Variants in CDKL5 observed in about 807,000 individuals in gnomAD.
The protein encoded by CDKL5 is cyclin-dependent kinase-like 5.
CDKL5 carries 8 observed loss-of-function variants against 61.7 expected under a neutral mutation model. The ratio of observed to expected loss-of-function variants is 0.13; its 90% confidence interval spans 0.08 to 0.23. The LOEUF (loss-of-function observed/expected upper bound fraction) is 0.23. Among genes scored for constraint, CDKL5 ranks in the 10% least tolerant of loss-of-function variants. The pLI, the probability that CDKL5 is intolerant of heterozygous loss-of-function variation, is 1.00. For synonymous variants in CDKL5, 275 were observed against 272.3 expected (o/e 1.01, Z -0.10); for missense variants, 440 against 734.5 (o/e 0.60, Z 4.63).
chrX:18,574,909 A>G (rs1396235135), intron 4 of CDKL5, among the ~76,000 whole-genome samples: 1 of 112,049 alleles, frequency 8.9e-6, no homozygotes, highest in Non-Finnish European at 1.9e-5. Flanking sequence ...ATCAGCTACT[A>G]CAGATGCCGG....
chrX:18,504,131 G>A (rs1922483828), intron 1 of CDKL5, among the ~76,000 whole-genome samples: 1 of 109,648 alleles, frequency 9.1e-6, no homozygotes, highest in African/African-American at 3.3e-5. Flanking sequence ...GTGGAGACAG[G>A]GTCTCACACT....
chrX:18,489,410 C>T (rs1328598036), intron 1 of CDKL5, among the ~76,000 whole-genome samples: 14 of 110,616 alleles, frequency 1.3e-4, no homozygotes, highest in African/African-American at 4.3e-4. Flanking sequence ...ATCCTCCCGC[C>T]TCAGCCTCCC....
chrX:18,499,447 G>A (rs1922303582), intron 1 of CDKL5, among the ~76,000 whole-genome samples: 1 of 101,897 alleles, frequency 9.8e-6, no homozygotes, highest in Non-Finnish European at 2.0e-5. Context: ...TGTAAGCTCC[G>A]CCTCCCGGGT....
At chrX:18,535,985 C>T (rs1177289021) in intron 3 of CDKL5, 1 of 111,954 alleles carries the variant, frequency 8.9e-6, no homozygotes, top group African/African-American at 3.3e-5. Context: ...ATGGAGCAGG[C>T]AGGAAGTACC....
intron 1 of CDKL5, among the ~76,000 whole-genome samples, chrX:18,455,295 C>T (rs1406229540): frequency 8.9e-6 from 1 of 112,280 alleles, no homozygotes; most frequent in Non-Finnish European, 1.9e-5. Flanking sequence ...CTTGCCAAAG[C>T]ATCCAATGTA....
intron 2 of CDKL5, among the ~76,000 whole-genome samples, chrX:18,509,916 C>G (rs1922762195): frequency 9.3e-6 from 1 of 107,938 alleles, no homozygotes; most frequent in Non-Finnish European, 1.9e-5. Flanking sequence ...CTTTGGGAGG[C>G]TGAGGTGGGA....
At chrX:18,553,355 C>T (rs150680769) in intron 3 of CDKL5, among the ~76,000 whole-genome samples, 112 of 111,207 alleles carry the variant, frequency 1.0e-3, no homozygotes, top group East Asian at 4.0e-3. Context: ...GCAGATCCAG[C>T]GCAGAGATGG....
chrX:18,579,621 GTTA>G (rs1047846408), intron 5 of CDKL5, among the ~76,000 whole-genome samples: 1 of 110,522 alleles, frequency 9.0e-6, no homozygotes, highest in African/African-American at 3.3e-5. Flanking sequence ...AGTATACAGG[GTTA>G]TTATTTGGGG....
downstream of CDKL5, chrX:18,642,227 G>T: frequency 9.1e-7 from 1 of 1,093,698 alleles, no homozygotes; most frequent in Non-Finnish European, 1.3e-6. Context: ...CCTTTCTGGA[G>T]CTAGCCCCAA....
At position 18,604,523 on chromosome X, in the gene CDKL5, C is replaced by T; in HGVS notation, c.1599C>T (p.Thr533=). ...ATTCTCCCACCAGCCCAACCCCCAC[C>T]AGACACAGTGACACGAGAACTTTGC... ...DLNSPTSPTP[T]RHSDTRTLLS... is the part of the protein sequence containing the mutation. Residue 533 remains threonine (T), a synonymous_variant, in exon 12 of 18, where the codon ACC becomes ACT. Coordinates refer to ENST00000623535, the MANE Select transcript of CDKL5 (RefSeq NM_001323289.2). 3 of 1,211,848 alleles carry T rather than the reference C, an allele frequency of 2.5e-6. No individual in the cohort carries two copies. Among genetic ancestry groups the T allele is most frequent in the Non-Finnish European group, 3.4e-6 (3 of 895,502 alleles).
At chrX:18,598,422 T>A (rs1053076989) in intron 10 of CDKL5, 40 bp from the exon 11 acceptor site, 5 of 1,136,968 alleles carry the variant, frequency 4.4e-6, no homozygotes, top group Non-Finnish European at 6.0e-6. Context: ...TAAATTTGAC[T>A]TTGTAATGTT....
At chrX:18,594,156 A>G (rs1477590789) in intron 9 of CDKL5, among the ~76,000 whole-genome samples, 2 of 112,116 alleles carry the variant, frequency 1.8e-5, no homozygotes, top group Non-Finnish European at 3.8e-5. Context: ...CTTATTTAGC[A>G]TGTTTAGGGA....
rs778858217 is a variant in CDKL5 at position 18,506,969 on chromosome X, T to C, written c.-128T>C. 5.0e-5 allele frequency: 26 copies of C among 524,756 alleles called. No homozygotes were observed. Among genetic ancestry groups the C allele is most frequent in the Non-Finnish European group, 8.9e-5 (26 of 291,772 alleles). 43.2% of individuals were successfully genotyped at this position (524,756 alleles called of 1,213,427 possible). ...TAATACTTCATGATTAGAACAAATATGTGAAAGTTCCCACCAACCAGTGAG... is the reference window on the plus strand; with the variant it reads ...TAATACTTCATGATTAGAACAAATACGTGAAAGTTCCCACCAACCAGTGAG... On this transcript the variant is annotated 5_prime_UTR_variant, in exon 2 of 18. An upstream start codon of the reference 5' UTR is lost. Transcript: ENST00000623535.
chrX:18,454,787 C>A (rs1400550391), intron 1 of CDKL5, among the ~76,000 whole-genome samples: 2 of 110,494 alleles, frequency 1.8e-5, no homozygotes, highest in Non-Finnish European at 3.8e-5. Flanking sequence ...TACTCCTGAC[C>A]TCAAATGATC....
At chrX:18,454,247 T>C (rs930532477) in intron 1 of CDKL5, among the ~76,000 whole-genome samples, 11 of 111,284 alleles carry the variant, frequency 9.9e-5, no homozygotes, top group Admixed American at 7.7e-4. Flanking sequence ...TTCTTTCTTT[T>C]TTTTTTTGAG....
At chrX:18,592,253 T>C (rs1455166061) in intron 9 of CDKL5, among the ~76,000 whole-genome samples, 1 of 112,319 alleles carries the variant, frequency 8.9e-6, no homozygotes, top group Non-Finnish European at 1.9e-5. Flanking sequence ...TAAGAAAGCG[T>C]GGTATATAAT....
At position 18,637,403 on chromosome X, in the gene CDKL5, A is replaced by AAT. The variant is rs1411500407; in HGVS notation, c.*8648_*8649dup. 9.5e-6 allele frequency: 1 copy of AAT among 105,707 alleles called. No individual in the cohort carries two copies. The highest frequency in any genetic ancestry group is 3.5e-5 in the African/African-American group (1 of 28,810). 8.7% of individuals were successfully genotyped at this position (105,707 alleles called of 1,213,427 possible). On this transcript the variant is annotated 3_prime_UTR_variant, in exon 18 of 18. Transcript: ENST00000623535. ...TCTGTCTCAAAAAAAAAAAAAAAAA[A>AAT]ATACAAAAATTAGCCGGGAATGGTG...
intron 1 of CDKL5, among the ~76,000 whole-genome samples, chrX:18,464,527 CT>C (rs947252179): frequency 9.0e-6 from 1 of 111,666 alleles, no homozygotes; most frequent in East Asian, 2.8e-4. Flanking sequence ...CTGTCTTTCT[CT>C]TTTTTTTATT....
At chrX:18,446,261 C>T (rs1931874761) in intron 1 of CDKL5, among the ~76,000 whole-genome samples, 1 of 107,714 alleles carries the variant, frequency 9.3e-6, no homozygotes, top group Non-Finnish European at 1.9e-5. Context: ...GCAGGAGAAT[C>T]GCTTGAACCT....
Sources: gnomAD v4.1 joint callset for allele counts (sites outside exome capture counted in the v4.1 genomes callset) on GRCh38, gnomAD v4.1.1 for gene constraint, MANE v1.5 for transcripts, NCBI Gene and HGNC (gene_info 2026-07-23, HGNC 2026-07-21) for gene names.